SOX6: variants seen among roughly 807,000 people sequenced by gnomAD.
SOX6 encodes SRY-box transcription factor 6.
SOX6 carries 11 observed loss-of-function variants against 97.8 expected under a neutral mutation model. That is an observed-to-expected ratio of 0.11 (90% CI 0.07 to 0.19). The LOEUF (loss-of-function observed/expected upper bound fraction) is 0.19, where lower values mean the gene tolerates loss of function less well. SOX6 is among the 10% of genes least tolerant of loss of function. The pLI, the probability that SOX6 is intolerant of heterozygous loss-of-function variation, is 1.00. For synonymous variants in SOX6, 360 were observed against 371.4 expected (o/e 0.97, Z 0.35); for missense variants, 810 against 1,039.5 (o/e 0.78, Z 3.04).
At chr11:16,137,703 C>A (rs1049358723) in intron 6 of SOX6, among the ~76,000 whole-genome samples, 1 of 152,126 alleles carries the variant, frequency 6.6e-6, no homozygotes, top group Non-Finnish European at 1.5e-5. Context: ...TTGGCTGTGT[C>A]CCCACCCAAA....
intron 7 of SOX6, among the ~76,000 whole-genome samples, chr11:16,110,022 T>C (rs1031369089): frequency 6.6e-6 from 1 of 152,176 alleles, no homozygotes; most frequent in Non-Finnish European, 1.5e-5. Flanking sequence ...CAGTTACATA[T>C]TATAATCTCA....
intron 1 of SOX6, among the ~76,000 whole-genome samples, chr11:16,395,171 T>C (rs934241063): frequency 5.3e-5 from 8 of 151,834 alleles, no homozygotes; most frequent in African/African-American, 1.9e-4. Flanking sequence ...ATGCTTATAA[T>C]GTGCAAGACC....
upstream of SOX6, among the ~76,000 whole-genome samples, chr11:16,478,041 C>A (rs1265384747): frequency 6.6e-6 from 1 of 152,198 alleles, no homozygotes; most frequent in Non-Finnish European, 1.5e-5. Context: ...CCAAAACCAT[C>A]AAAGAGTACT....
chr11:16,344,467 T>C (rs1856723632), intron 1 of SOX6, among the ~76,000 whole-genome samples: 1 of 151,950 alleles, frequency 6.6e-6, no homozygotes, highest in South Asian at 2.1e-4. Context: ...CCAAACTGTA[T>C]TCTAGAAGCT....
At position 16,214,784 on chromosome 11, in the gene SOX6, C is replaced by T. The variant is rs867027649; in HGVS notation, c.535+19798G>A. Among the ~76,000 whole-genome samples, 49 of 137,132 alleles carry T rather than the reference C, an allele frequency of 3.6e-4. No homozygotes were observed. In the Middle Eastern group the frequency reaches 0.013, roughly 37 times the overall value. The allele number at this position is 137,132 out of a possible 152,430, so 90.0% of individuals were successfully genotyped here. ...TTTTTTTTTGAGACGGAGTTTCGCT[C>T]TTTTGCCCAAGCTGGAGTGAAGTGG... On this transcript the variant is annotated intron_variant, in intron 4 of 15. Coordinates refer to ENST00000683767, the MANE Select transcript of SOX6 (RefSeq NM_001367873.1).
chr11:16,524,987 C>T (rs973303220), intron 4 of SOX6, among the ~76,000 whole-genome samples: 3 of 152,166 alleles, frequency 2.0e-5, no homozygotes, highest in Non-Finnish European at 2.9e-5. Flanking sequence ...AAAGAGGATA[C>T]AAACAACTGG....
intron 4 of SOX6, among the ~76,000 whole-genome samples, chr11:16,231,695 AAATAGGTGCTCTTTAAACCAACAAAC>A (rs142349642): frequency 0.016 from 2,494 of 151,934 alleles, 63 homozygotes; most frequent in African/African-American, 0.056. Context: ...TCTGTTTTCA[AAATAGGTGCTCTTTAAACCAACAAAC>A]AATAAAAACA....
intron 1 of SOX6, among the ~76,000 whole-genome samples, chr11:16,352,091 C>G (rs1402091637): frequency 6.6e-6 from 1 of 151,994 alleles, no homozygotes; most frequent in African/African-American, 2.4e-5. Flanking sequence ...AAACTGGTTT[C>G]TGGGGGTGTC....
At chr11:16,123,913 C>G (rs923092101) in intron 6 of SOX6, among the ~76,000 whole-genome samples, 1 of 152,106 alleles carries the variant, frequency 6.6e-6, no homozygotes, top group Non-Finnish European at 1.5e-5. Context: ...ATGCTCTTAA[C>G]ATACCCCTGA....
intron 12 of SOX6, among the ~76,000 whole-genome samples, chr11:16,016,130 A>G (rs1373544197): frequency 6.6e-6 from 1 of 152,076 alleles, no homozygotes; most frequent in Non-Finnish European, 1.5e-5. Context: ...AGATGTTTAG[A>G]AACTTGGAAA....
intron 4 of SOX6, among the ~76,000 whole-genome samples, chr11:16,596,312 C>T (rs773021338): frequency 6.6e-6 from 1 of 152,166 alleles, no homozygotes; most frequent in Non-Finnish European, 1.5e-5. Flanking sequence ...CCTTAAAATG[C>T]ACTCACAATG....
At position 15,967,083 on chromosome 11, in the gene SOX6, A is replaced by G. The variant is rs988841015; in HGVS notation, c.*5726T>C. Reference sequence around the variant, plus strand: ...AACTATTTACATTTTCAGACTTTCAAACATATTCAAAGCAGCAATAGACAC... The same window carrying G: ...AACTATTTACATTTTCAGACTTTCAGACATATTCAAAGCAGCAATAGACAC... On this transcript the variant is annotated 3_prime_UTR_variant, in exon 16 of 16. Coordinates refer to ENST00000683767, the MANE Select transcript of SOX6 (RefSeq NM_001367873.1). 3.3e-5 allele frequency: 5 copies of G among 152,212 alleles called. No individual in the cohort carries two copies. The highest frequency in any genetic ancestry group is 1.2e-4 in the African/African-American group (5 of 41,454). 9.4% of individuals were successfully genotyped at this position (152,212 alleles called of 1,614,324 possible).
At chr11:16,501,505 T>A (rs1386894210) in intron 4 of SOX6, among the ~76,000 whole-genome samples, 1 of 151,514 alleles carries the variant, frequency 6.6e-6, no homozygotes, top group East Asian at 1.9e-4. Context: ...AAAGAAATTA[T>A]CATCAGAGTG....
chr11:16,712,622 C>T (rs1848190238), intron 3 of SOX6, among the ~76,000 whole-genome samples: 1 of 152,164 alleles, frequency 6.6e-6, no homozygotes, highest in Non-Finnish European at 1.5e-5. Context: ...GGCCATTTCA[C>T]ATGCTGTTCC....
At chr11:16,459,683 G>C (rs1275807659) in intron 1 of SOX6, among the ~76,000 whole-genome samples, 1 of 151,972 alleles carries the variant, frequency 6.6e-6, no homozygotes, top group African/African-American at 2.4e-5. Context: ...CTGAGATGAA[G>C]AATTCACTGG....
intron 4 of SOX6, among the ~76,000 whole-genome samples, chr11:16,214,216 T>C (rs576921048): frequency 6.6e-6 from 1 of 152,334 alleles, no homozygotes; most frequent in African/African-American, 2.4e-5. Flanking sequence ...AGGTTTAGAA[T>C]AGTCTAGAAA....
chr11:16,218,514 T>C (rs1054839287), intron 4 of SOX6, among the ~76,000 whole-genome samples: 6 of 152,112 alleles, frequency 3.9e-5, no homozygotes, highest in African/African-American at 1.4e-4. Flanking sequence ...CTGGCTAATT[T>C]TGAAGGCTGA....
chr11:16,125,635 T>G (rs1032230866), intron 6 of SOX6, among the ~76,000 whole-genome samples: 10 of 151,962 alleles, frequency 6.6e-5, no homozygotes, highest in African/African-American at 2.4e-4. Flanking sequence ...TGTTTAGGAC[T>G]AATAAGCAGC....
intron 9 of SOX6, among the ~76,000 whole-genome samples, chr11:16,056,958 C>T (rs919968692): frequency 6.6e-6 from 1 of 151,936 alleles, no homozygotes; most frequent in Non-Finnish European, 1.5e-5. Flanking sequence ...TTTTAAAAAA[C>T]AAAAAACCAA....
Sources: allele counts gnomAD v4.1 joint callset (sites outside exome capture counted in the v4.1 genomes callset), GRCh38; gene constraint gnomAD v4.1.1; transcripts MANE v1.5; gene names NCBI Gene and HGNC (gene_info 2026-07-23, HGNC 2026-07-21).